PRRC2B: variants seen among roughly 807,000 people sequenced by gnomAD.
PRRC2B encodes proline rich coiled-coil 2B.
Under a neutral mutation model 242.3 loss-of-function variants are expected in PRRC2B, and 68 were observed. The observed-to-expected ratio is 0.28, with a 90% confidence interval of 0.23 to 0.34. The LOEUF (loss-of-function observed/expected upper bound fraction) is 0.34. Ranked by LOEUF, PRRC2B falls within the 10% of genes least tolerant of loss-of-function variation. The pLI is 1.00. For synonymous variants in PRRC2B, 1,228 were observed against 1,173.6 expected (o/e 1.05, Z -0.95); for missense variants, 2,835 against 2,954.8 (o/e 0.96, Z 0.94).
At chr9:131,483,889 C>A (rs915239648) in intron 23 of PRRC2B, among the ~76,000 whole-genome samples, 3 of 152,224 alleles carry the variant, frequency 2.0e-5, no homozygotes, top group Non-Finnish European at 2.9e-5. Context: ...GTTGTGGCCA[C>A]TCGGGGCTGC....
rs188984644 is a variant in PRRC2B at position 131,496,156 on chromosome 9, T to C, written c.*282T>C. ...CTGTGGAGTGACGCCTCCTGTGCAGTGCAGATTTGCCCTCCCTGCCTCCTC... is the reference window on the plus strand; with the variant it reads ...CTGTGGAGTGACGCCTCCTGTGCAGCGCAGATTTGCCCTCCCTGCCTCCTC... On this transcript the variant is annotated 3_prime_UTR_variant, in exon 32 of 32. Transcript: ENST00000683519. The C allele has an allele frequency of 3.2e-5, 11 of 342,346 alleles. No homozygotes were observed. Among genetic ancestry groups the C allele is most frequent in the Admixed American group, 3.0e-4 (7 of 23,156 alleles). 21.2% of individuals were successfully genotyped at this position (342,346 alleles called of 1,614,324 possible).
At chr9:131,418,388 G>C (rs1366303112) in intron 1 of PRRC2B, among the ~76,000 whole-genome samples, 1 of 152,252 alleles carries the variant, frequency 6.6e-6, no homozygotes, top group Non-Finnish European at 1.5e-5. Context: ...TAGAGGTTAG[G>C]TGGGAGTTTA....
At chr9:131,411,838 G>A (rs1482925889) in intron 1 of PRRC2B, among the ~76,000 whole-genome samples, 2 of 152,058 alleles carry the variant, frequency 1.3e-5, no homozygotes, top group Non-Finnish European at 1.5e-5. Context: ...TTTTCAGACA[G>A]AGTCTTGTTC....
At chr9:131,424,449 G>A (rs771962547) in intron 1 of PRRC2B, among the ~76,000 whole-genome samples, 21 of 152,154 alleles carry the variant, frequency 1.4e-4, no homozygotes, top group Non-Finnish European at 4.4e-5. Context: ...CACTTCAGGA[G>A]GCCAAGGTGG....
intron 1 of PRRC2B, among the ~76,000 whole-genome samples, chr9:131,426,361 GAAA>G (rs1393762599): frequency 7.6e-6 from 1 of 131,896 alleles, no homozygotes; most frequent in Admixed American, 7.5e-5. Context: ...AAAAAAAAAA[GAAA>G]AAGAAAAAAA....
chr9:131,410,125 C>G (rs1345817618), intron 1 of PRRC2B, among the ~76,000 whole-genome samples: 1 of 152,184 alleles, frequency 6.6e-6, no homozygotes, highest in East Asian at 1.9e-4. Context: ...TCCCCACCCC[C>G]CTTGCTAAAT....
upstream of PRRC2B, among the ~76,000 whole-genome samples, chr9:131,391,857 C>T (rs1366562670): frequency 2.6e-4 from 39 of 152,144 alleles, 1 homozygote; most frequent in Non-Finnish European, 7.4e-5. Flanking sequence ...TCTTGTGCCT[C>T]AGCCTCCCGA....
intron 1 of PRRC2B, among the ~76,000 whole-genome samples, chr9:131,411,592 C>T (rs1271715618): frequency 2.0e-5 from 3 of 152,118 alleles, no homozygotes; most frequent in South Asian, 2.1e-4. Context: ...ATCCGCCCGC[C>T]TCGGCCTTCC....
intron 18 of PRRC2B, among the ~76,000 whole-genome samples, 190 bp downstream of exon 18, chr9:131,478,809 A>G (rs1943779019): frequency 6.6e-6 from 1 of 152,136 alleles, no homozygotes; most frequent in South Asian, 2.1e-4. Context: ...CAATGTAGGA[A>G]TAGGTGGTGG....
chr9:131,464,051 C>T (rs1008448854), intron 11 of PRRC2B, among the ~76,000 whole-genome samples: 1 of 151,976 alleles, frequency 6.6e-6, no homozygotes, highest in Non-Finnish European at 1.5e-5. Context: ...AAGCGATTCT[C>T]CTGCCTCAGT....
At position 131,473,397 on chromosome 9, in the gene PRRC2B, T is replaced by C. The variant is rs948668909; in HGVS notation, c.2108-111T>C. ...ATGTGTAGGTGGGTGGGGTGCTGTATCCACATGAAAGTCAGGGTAACTGTT... is the reference window on the plus strand; with the variant it reads ...ATGTGTAGGTGGGTGGGGTGCTGTACCCACATGAAAGTCAGGGTAACTGTT... On this transcript the variant is annotated intron_variant, in intron 14 of 31. Coordinates refer to ENST00000683519, the MANE Select transcript of PRRC2B (RefSeq NM_013318.4). 5 of 750,252 alleles carry C rather than the reference T, an allele frequency of 6.7e-6. No individual in the cohort carries two copies. In the African/African-American group the frequency reaches 9.0e-5, roughly 14 times the overall value. The allele number at this position is 750,252 out of a possible 1,614,324, so 46.5% of individuals were successfully genotyped here.
At chr9:131,430,065 T>C in intron 1 of PRRC2B, 29 bp from the exon 2 acceptor site, 1 of 673,552 alleles carries the variant, frequency 1.5e-6, no homozygotes, top group South Asian at 2.0e-5. Context: ...TCTCTCTTTT[T>C]TTTTTTTTCT....
chr9:131,455,551 C>T (rs1452406484), intron 10 of PRRC2B, among the ~76,000 whole-genome samples: 5 of 138,210 alleles, frequency 3.6e-5, no homozygotes, highest in Non-Finnish European at 4.6e-5. Context: ...GGCTCTCACT[C>T]TGTCACCCAG....
At chr9:131,447,621 C>A in intron 8 of PRRC2B, 41 bp from the exon 9 acceptor site, 1 of 1,527,072 alleles carries the variant, frequency 6.5e-7, no homozygotes, top group Non-Finnish European at 8.8e-7. Flanking sequence ...TTGCTTCCGT[C>A]TGTATACTGG....
intron 6 of PRRC2B, among the ~76,000 whole-genome samples, chr9:131,445,064 A>G (rs1838751265): frequency 6.6e-6 from 1 of 152,160 alleles, no homozygotes; most frequent in African/African-American, 2.4e-5. Flanking sequence ...TTCAAGTCAT[A>G]AGTGATGTCC....
rs1012441842 is a variant in PRRC2B at position 131,497,736 on chromosome 9, C to G, written c.*1862C>G. ...ACTGTTCACCTGCATCTTTCAGCAG[C>G]TCCCCTCCTGCCCTCACCTGGTCTT... On this transcript the variant is annotated 3_prime_UTR_variant, in exon 32 of 32. Coordinates refer to ENST00000683519, the MANE Select transcript of PRRC2B (RefSeq NM_013318.4). The G allele has an allele frequency of 6.6e-6, 1 of 152,320 alleles. No individual in the cohort carries two copies. The highest frequency in any genetic ancestry group is 2.4e-5 in the African/African-American group (1 of 41,444). The allele number at this position is 152,320 out of a possible 1,614,324, so 9.4% of individuals were successfully genotyped here.
chr9:131,457,689 C>T, intron 10 of PRRC2B, among the ~76,000 whole-genome samples: 1 of 152,152 alleles, frequency 6.6e-6, no homozygotes, highest in Non-Finnish European at 1.5e-5. Flanking sequence ...ACCAGTTCAT[C>T]TCCATCCTTT....
Position 131,467,772 on chromosome 9 carries a change from A to T in PRRC2B, c.1911+19A>T. 6.2e-7 allele frequency: 1 copy of T among 1,612,960 alleles called. No individual in the cohort carries two copies. Among genetic ancestry groups the T allele is most frequent in the East Asian group, 2.2e-5 (1 of 44,868 alleles). ...ACAGCAGGTAAACAGATGAGATGGTAAAAGACTGTGATAAACAGGCCTGAG... is the reference window on the plus strand; with the variant it reads ...ACAGCAGGTAAACAGATGAGATGGTTAAAGACTGTGATAAACAGGCCTGAG... On this transcript the variant is annotated intron_variant, in intron 13 of 31. Coordinates refer to ENST00000683519, the MANE Select transcript of PRRC2B (RefSeq NM_013318.4).
chr9:131,470,834 C>G lies in PRRC2B; in HGVS notation c.1958C>G (p.Pro653Arg). Residue 653 changes from proline (P) to arginine (R), a missense_variant, in exon 14 of 32, where the codon CCG becomes CGG. Pro to Arg is a moderately radical substitution (Grantham distance 103). This residue lies in a region of PRRC2B where 1,536 missense variants were observed against 1,483.1 expected (regional missense o/e 1.04). Coordinates refer to ENST00000683519, the MANE Select transcript of PRRC2B (RefSeq NM_013318.4). The part of the protein sequence containing the change: ...MQHWQPVYPP[P>R]SHPQRTFYPH... ...CACTGGCAGCCGGTGTACCCCCCGC[C>G]GTCCCACCCCCAGCGCACCTTTTAC... 6.2e-7 allele frequency: 1 copy of G among 1,611,902 alleles called. No homozygotes were observed. The highest frequency in any genetic ancestry group is 8.5e-7 in the Non-Finnish European group (1 of 1,178,506).
Sources: allele counts gnomAD v4.1 joint callset (sites outside exome capture counted in the v4.1 genomes callset), GRCh38; gene constraint gnomAD v4.1.1; regional missense constraint gnomAD v4.1.1; transcripts MANE v1.5; gene names NCBI Gene and HGNC (gene_info 2026-07-23, HGNC 2026-07-21).